The following PCDH7 variants were observed in gnomAD, a reference collection of about 807,000 sequenced individuals.
The protein encoded by PCDH7 is protocadherin-7.
PCDH7 carries 17 observed loss-of-function variants against 58.9 expected under a neutral mutation model. The observed-to-expected ratio is 0.29, with a 90% CI of 0.20 to 0.43. The LOEUF is 0.43. Ranked by LOEUF, PCDH7 falls within the 20% of genes least tolerant of loss-of-function variation. The pLI is 1.00. For synonymous variants in PCDH7, 664 were observed against 616.4 expected (o/e 1.08, Z -1.14); for missense variants, 1,274 against 1,441.0 (o/e 0.88, Z 1.88).
At chr4:30,796,765 C>G (rs187572714) in intron 1 of PCDH7, among the ~76,000 whole-genome samples, 1 of 152,078 alleles carries the variant, frequency 6.6e-6, no homozygotes, top group African/African-American at 2.4e-5. Flanking sequence ...ACTTTCTGTT[C>G]TTCTTCTAGA....
At chr4:31,047,444 A>G (rs1467351501) in intron 3 of PCDH7, among the ~76,000 whole-genome samples, 1 of 152,130 alleles carries the variant, frequency 6.6e-6, no homozygotes, top group African/African-American at 2.4e-5. Context: ...TTTTGGACAA[A>G]TGCTCACTGT....
intron 1 of PCDH7, among the ~76,000 whole-genome samples, chr4:30,859,387 T>C (rs1733895936): frequency 6.6e-6 from 1 of 152,132 alleles, no homozygotes; most frequent in African/African-American, 2.4e-5. Flanking sequence ...AAACAATAGC[T>C]ATTAATTTCA....
intron 3 of PCDH7, among the ~76,000 whole-genome samples, chr4:31,134,204 G>A (rs768407634): frequency 3.9e-5 from 6 of 152,284 alleles, no homozygotes; most frequent in East Asian, 3.9e-4. Context: ...GCTCATGCCT[G>A]TAATCCCAGC....
intron 1 of PCDH7, among the ~76,000 whole-genome samples, chr4:30,855,196 G>A (rs555392560): frequency 6.8e-4 from 103 of 152,244 alleles, no homozygotes; most frequent in African/African-American, 2.4e-3. Flanking sequence ...GCTGGATAAT[G>A]GAGATTCTAA....
At chr4:30,972,570 A>G (rs1450183202) in intron 3 of PCDH7, among the ~76,000 whole-genome samples, 1 of 152,206 alleles carries the variant, frequency 6.6e-6, no homozygotes, top group Non-Finnish European at 1.5e-5. Flanking sequence ...TCTTACAAAG[A>G]GTGAGGTAAT....
chr4:30,781,153 T>A (rs1185051204), intron 1 of PCDH7, among the ~76,000 whole-genome samples: 2 of 152,136 alleles, frequency 1.3e-5, no homozygotes, highest in African/African-American at 4.8e-5. Context: ...AATCCTGGGA[T>A]TCCATGATTT....
chr4:30,978,911 C>T (rs993745108), intron 3 of PCDH7, among the ~76,000 whole-genome samples: 21 of 151,462 alleles, frequency 1.4e-4, no homozygotes, highest in African/African-American at 2.4e-5. Flanking sequence ...TTGAAGGGGG[C>T]GAGATAAATT....
chr4:31,097,079 T>C (rs1171764097), intron 3 of PCDH7, among the ~76,000 whole-genome samples: 1 of 152,038 alleles, frequency 6.6e-6, no homozygotes, highest in Non-Finnish European at 1.5e-5. Context: ...AATTTGCGCC[T>C]AGTTGTGCCA....
At chr4:30,858,915 T>C (rs968152021) in intron 1 of PCDH7, among the ~76,000 whole-genome samples, 3 of 152,188 alleles carry the variant, frequency 2.0e-5, no homozygotes, top group Non-Finnish European at 1.5e-5. Context: ...TATCATTTGG[T>C]AGTGGAAATA....
chr4:30,951,859 G>A (rs1050390577), intron 3 of PCDH7, among the ~76,000 whole-genome samples: 6 of 152,102 alleles, frequency 3.9e-5, no homozygotes, highest in Admixed American at 2.0e-4. Flanking sequence ...CAGTACTCTC[G>A]TTCATGCTCA....
At chr4:30,792,195 A>G (rs1724205437) in intron 1 of PCDH7, among the ~76,000 whole-genome samples, 1 of 152,226 alleles carries the variant, frequency 6.6e-6, no homozygotes, top group Non-Finnish European at 1.5e-5. Flanking sequence ...TGGAGAAGAT[A>G]AAATGAGCAA....
At chr4:31,080,746 T>A (rs1759433014) in intron 3 of PCDH7, among the ~76,000 whole-genome samples, 1 of 152,140 alleles carries the variant, frequency 6.6e-6, no homozygotes, top group Admixed American at 6.6e-5. Flanking sequence ...AGCTAAATAT[T>A]ATAATGTGAT....
chr4:30,852,968 T>C (rs1445842911), intron 1 of PCDH7, among the ~76,000 whole-genome samples: 2 of 151,936 alleles, frequency 1.3e-5, no homozygotes, highest in Non-Finnish European at 2.9e-5. Context: ...TGCTGCTTCA[T>C]AAAGATTGAT....
intron 1 of PCDH7, among the ~76,000 whole-genome samples, chr4:30,811,242 A>G (rs1419762872): frequency 1.3e-5 from 2 of 152,222 alleles, no homozygotes; most frequent in Non-Finnish European, 2.9e-5. Flanking sequence ...GTTGGCAAAG[A>G]TAAGTTTAAT....
At position 31,142,705 on chromosome 4, in the gene PCDH7, G is replaced by T. The variant is rs766358862; in HGVS notation, c.*240G>T. On this transcript the variant is annotated 3_prime_UTR_variant, in exon 4 of 4. Transcript: ENST00000509759. Reference sequence around the variant, plus strand: ...GCAACAGAAACCTCCTGAACAAAAAGTTGACCTCATCCTATGAGACCTTCA... The same window carrying T: ...GCAACAGAAACCTCCTGAACAAAAATTTGACCTCATCCTATGAGACCTTCA... 8 of 1,367,742 alleles carry T rather than the reference G, an allele frequency of 5.8e-6. No homozygotes were observed. In the South Asian group the frequency reaches 9.1e-5, roughly 16 times the overall value. 84.7% of individuals were successfully genotyped at this position (1,367,742 alleles called of 1,614,324 possible). A position where few individuals can be genotyped will look rare whatever the true frequency, so the allele number is the denominator to read the frequency against.
At chr4:30,876,392 GA>G (rs1278536468) in intron 1 of PCDH7, among the ~76,000 whole-genome samples, 1 of 152,004 alleles carries the variant, frequency 6.6e-6, no homozygotes, top group Non-Finnish European at 1.5e-5. Context: ...TTAAGATCAA[GA>G]AAAGTTTTCA....
At chr4:31,132,623 T>A (rs911024843) in intron 3 of PCDH7, among the ~76,000 whole-genome samples, 3 of 152,172 alleles carry the variant, frequency 2.0e-5, no homozygotes, top group Non-Finnish European at 4.4e-5. Flanking sequence ...AATTGATACT[T>A]ACAACTGTTT....
chr4:30,731,057 G>C, exon 2 of PCDH7: 1 of 1,171,148 alleles, frequency 8.5e-7, no homozygotes, highest in East Asian at 4.0e-5. Flanking sequence ...GAGGCGGTTA[G>C]CACCTATTAG....
At chr4:31,033,681 A>G (rs1175671878) in intron 3 of PCDH7, among the ~76,000 whole-genome samples, 1 of 152,170 alleles carries the variant, frequency 6.6e-6, no homozygotes, top group Non-Finnish European at 1.5e-5. Flanking sequence ...TCCCCCTTTT[A>G]AAATCATTTC....
Sources: allele counts gnomAD v4.1 joint callset (sites outside exome capture counted in the v4.1 genomes callset), GRCh38; gene constraint gnomAD v4.1.1; transcripts MANE v1.5; gene names NCBI Gene and HGNC (gene_info 2026-07-23, HGNC 2026-07-21).